Variants in ANKFY1 observed in about 807,000 individuals in gnomAD.
The protein encoded by ANKFY1 is ankyrin repeat and FYVE domain containing 1, also known as ankyrin repeat and FYVE domain-containing protein 1.
Under a neutral mutation model 128.3 loss-of-function variants are expected in ANKFY1, and 47 were observed. The observed-to-expected ratio is 0.37, with a 90% CI of 0.29 to 0.47. The LOEUF is 0.47. Among genes scored for constraint, ANKFY1 ranks in the 20% least tolerant of loss-of-function variants. The probability of loss-of-function intolerance (pLI) is 1.00; values close to 1 mark genes in which losing one functional copy is unlikely to be tolerated. For synonymous variants in ANKFY1, 553 were observed against 601.6 expected, an observed-to-expected ratio of 0.92 and a Z score of 1.18; for missense variants, 1,222 against 1,510.6, an observed-to-expected ratio of 0.81 and a Z score of 3.17.
chr17:4,197,199 C>T (rs930429436), intron 8 of ANKFY1, among the ~76,000 whole-genome samples, 174 bp downstream of exon 8: 3 of 152,218 alleles, frequency 2.0e-5, no homozygotes, highest in South Asian at 2.1e-4. Flanking sequence ...CCCCAAATGC[C>T]TCTGGTTTTA....
Position 4,242,420 on chromosome 17 carries a change from C to A in ANKFY1, c.39G>T (p.Leu13Phe). 6.4e-7 allele frequency: 1 copy of A among 1,568,902 alleles called. No individual in the cohort carries two copies. Among genetic ancestry groups the A allele is most frequent in the Admixed American group, 2.0e-5 (1 of 50,506 alleles). The change falls in exon 2 of 25, where the codon TTG (leucine) becomes TTT (phenylalanine). Residue 13 changes from leucine to phenylalanine, a missense_variant. Leu to Phe is a conservative substitution (Grantham distance 22). Transcript: ENST00000341657. The stretch of plus-strand genomic sequence containing the variant: ...TGACATACTCCTGCCGCAGAAGCAT[C>A]AAGTGCTTCTCCAACTTGGCCACCT... ...EEEVAKLEKH[L>F]MLLRQEYVKL... is the part of the protein sequence containing the mutation.
At chr17:4,187,733 T>C (rs886333593) in intron 11 of ANKFY1, 1 of 152,612 alleles carries the variant, frequency 6.6e-6, no homozygotes, top group African/African-American at 2.4e-5. Context: ...AGCAGCGCAA[T>C]CGCCACTCAC....
chr17:4,189,469 T>G lies in ANKFY1; in HGVS notation c.1383A>C (p.Leu461Phe). The part of the protein sequence containing the change: ...DAPDTATGNC[L>F]LQRAAGAGNE... ...TTCCTGCTCCAGCTGCCCGCTGTAG[T>G]AAACAGTTTCCTAAAAGAAAATGGG... The change falls in exon 11 of 25, where the codon TTA becomes TTC. Residue 461 changes from leucine to phenylalanine, a missense_variant. By Grantham distance (22) the Leu-to-Phe change is conservative. Coordinates refer to ENST00000341657, the MANE Select transcript of ANKFY1 (RefSeq NM_001330063.2). 6.3e-7 allele frequency: 1 copy of G among 1,582,272 alleles called. No individual in the cohort carries two copies. The highest frequency in any genetic ancestry group is 8.6e-7 in the Non-Finnish European group (1 of 1,160,858).
At chr17:4,256,648 T>C (rs1271753127) in intron 1 of ANKFY1, among the ~76,000 whole-genome samples, 1 of 152,118 alleles carries the variant, frequency 6.6e-6, no homozygotes, top group African/African-American at 2.4e-5. Context: ...ATCATGAATA[T>C]AGAAGAGAAA....
At chr17:4,192,699 C>T (rs2059740444) in intron 10 of ANKFY1, among the ~76,000 whole-genome samples, 1 of 152,152 alleles carries the variant, frequency 6.6e-6, no homozygotes, top group African/African-American at 2.4e-5. Context: ...TTCTATATCT[C>T]CCAATAGAAC....
At chr17:4,260,897 T>C (rs1435950563) in intron 1 of ANKFY1, among the ~76,000 whole-genome samples, 2 of 152,140 alleles carry the variant, frequency 1.3e-5, no homozygotes, top group African/African-American at 2.4e-5. Context: ...TCAGGGAAGT[T>C]CCCATAGTGT....
At chr17:4,244,950 A>G (rs1598141636) in intron 1 of ANKFY1, among the ~76,000 whole-genome samples, 1 of 151,306 alleles carries the variant, frequency 6.6e-6, no homozygotes, top group Non-Finnish European at 1.5e-5. Flanking sequence ...GCTACCATAC[A>G]CCACTGTCTC....
chr17:4,184,336 TC>T (rs2059572690), intron 12 of ANKFY1, among the ~76,000 whole-genome samples: 1 of 152,130 alleles, frequency 6.6e-6, no homozygotes. Context: ...AAAAACACTG[TC>T]CTTAACAAGG....
rs767148053 is a variant in ANKFY1 at position 4,167,655 on chromosome 17, C to T, written c.*124G>A. ...GATCTATCACACCATGGTCCTTAAT[C>T]GTTCCAGTCTATTGCCGCAGGAAGA... On this transcript the variant is annotated 3_prime_UTR_variant, in exon 25 of 25. Coordinates refer to ENST00000341657, the MANE Select transcript of ANKFY1 (RefSeq NM_001330063.2). This position sits in a 1 kb window ranked among gnomAD's most constrained non-coding sequence, Gnocchi z 4.1. The T allele has an allele frequency of 5.4e-5, 50 of 922,254 alleles. No homozygotes were observed. Among genetic ancestry groups the T allele is most frequent in the Non-Finnish European group, 7.3e-5 (47 of 643,622 alleles). 57.1% of individuals were successfully genotyped at this position (922,254 alleles called of 1,614,324 possible). A position where few individuals can be genotyped will look rare whatever the true frequency, so the allele number is the denominator to read the frequency against.
intron 1 of ANKFY1, among the ~76,000 whole-genome samples, chr17:4,252,439 T>C (rs1967888714): frequency 1.3e-5 from 2 of 152,030 alleles, no homozygotes; most frequent in Non-Finnish European, 2.9e-5. Flanking sequence ...TGTGGTGGTG[T>C]GCACCTGCAG....
rs769924735 is a variant in ANKFY1 at position 4,206,272 on chromosome 17, C to G, written c.898+49G>C. On this transcript the variant is annotated intron_variant, in intron 7 of 24. Coordinates refer to ENST00000341657, the MANE Select transcript of ANKFY1 (RefSeq NM_001330063.2). ...GGTCAGAAAGTCTTCAAAAATTACT[C>G]GGATAAAAATAAAATTGCCTGCAGG... 3.3e-5 allele frequency: 53 copies of G among 1,588,246 alleles called. No homozygotes were observed. The South Asian group carries it at 5.8e-4, about 17-fold the overall frequency.
chr17:4,214,215 T>C (rs995124709), intron 4 of ANKFY1, among the ~76,000 whole-genome samples: 6 of 152,226 alleles, frequency 3.9e-5, no homozygotes, highest in Admixed American at 2.0e-4. Context: ...CAAATGACAT[T>C]GCACCAAGGG....
intron 10 of ANKFY1, among the ~76,000 whole-genome samples, chr17:4,191,528 A>G (rs1037378415): frequency 6.6e-6 from 1 of 151,104 alleles, no homozygotes; most frequent in Non-Finnish European, 1.5e-5. Flanking sequence ...GGAGACTCCT[A>G]GTTGATGGTT....
At chr17:4,205,414 T>A (rs1382250303) in intron 7 of ANKFY1, among the ~76,000 whole-genome samples, 1 of 150,254 alleles carries the variant, frequency 6.7e-6, no homozygotes, top group East Asian at 1.9e-4. Flanking sequence ...AAACCTAGTA[T>A]TTTTTTTTTC....
intron 3 of ANKFY1, among the ~76,000 whole-genome samples, chr17:4,220,318 A>T (rs935804825): frequency 6.6e-6 from 1 of 152,172 alleles, no homozygotes; most frequent in African/African-American, 2.4e-5. Flanking sequence ...CATCGTAATG[A>T]ACAACAAAAA....
intron 2 of ANKFY1, among the ~76,000 whole-genome samples, chr17:4,237,638 G>T (rs941968788): frequency 3.9e-5 from 6 of 152,092 alleles, no homozygotes; most frequent in African/African-American, 1.2e-4. Flanking sequence ...CCACATTCAT[G>T]AATGTCAGGT....
intron 10 of ANKFY1, among the ~76,000 whole-genome samples, chr17:4,193,983 G>A (rs2059765960): frequency 6.7e-6 from 1 of 149,726 alleles, no homozygotes; most frequent in South Asian, 2.1e-4. Flanking sequence ...ATCTGGAACT[G>A]CTAACCTCAG....
chr17:4,189,692 C>T (rs990597480), intron 10 of ANKFY1, among the ~76,000 whole-genome samples: 5 of 149,734 alleles, frequency 3.3e-5, no homozygotes. Context: ...TAGGCCCACG[C>T]CAGACAGTAG....
chr17:4,215,249 T>C (rs547284272), intron 4 of ANKFY1, among the ~76,000 whole-genome samples: 19 of 149,398 alleles, frequency 1.3e-4, no homozygotes, highest in African/African-American at 4.2e-4. Flanking sequence ...GACTGTGCCA[T>C]TGCACTCCAG....
Sources: allele counts gnomAD v4.1 joint callset (sites outside exome capture counted in the v4.1 genomes callset), GRCh38; gene constraint gnomAD v4.1.1; non-coding constraint Gnocchi (gnomAD v3.1); transcripts MANE v1.5; gene names NCBI Gene and HGNC (gene_info 2026-07-23, HGNC 2026-07-21).